The following ZFPM2 variants were observed in gnomAD, a reference collection of about 807,000 sequenced individuals.
The protein encoded by ZFPM2 is zinc finger protein, FOG family member 2.
ZFPM2 carries 20 observed loss-of-function variants against 98.6 expected under a neutral mutation model. The observed-to-expected ratio is 0.20, with a 90% CI of 0.14 to 0.29. ZFPM2 has a LOEUF of 0.29. Ranked by LOEUF, ZFPM2 falls within the 10% of genes least tolerant of loss-of-function variation. The pLI is 1.00. For missense variants in ZFPM2, 1,310 were observed against 1,388.6 expected, an observed-to-expected ratio of 0.94 and a Z score of 0.90; for synonymous variants, 518 against 502.7, an observed-to-expected ratio of 1.03 and a Z score of -0.41.
chr8:105,322,158 C>T (rs1411115985), intron 1 of ZFPM2, among the ~76,000 whole-genome samples: 1 of 152,158 alleles, frequency 6.6e-6, no homozygotes, highest in Non-Finnish European at 1.5e-5. Flanking sequence ...TCTCCCCGCA[C>T]AGCTGCTCGC....
chr8:105,481,231 C>G (rs1304744736), intron 3 of ZFPM2, among the ~76,000 whole-genome samples: 1 of 152,084 alleles, frequency 6.6e-6, no homozygotes, highest in Non-Finnish European at 1.5e-5. Context: ...TTAATTTTCT[C>G]TATTTGTTTT....
chr8:105,589,837 T>A (rs1586483338), intron 4 of ZFPM2, among the ~76,000 whole-genome samples: 1 of 152,162 alleles, frequency 6.6e-6, no homozygotes, highest in East Asian at 1.9e-4. Context: ...TTCTCCTGCC[T>A]CAGTCTCCCA....
At chr8:105,761,430 A>G (rs755592305) in intron 5 of ZFPM2, among the ~76,000 whole-genome samples, 2 of 152,050 alleles carry the variant, frequency 1.3e-5, no homozygotes, top group Admixed American at 6.6e-5. Context: ...TAACCAGGCA[A>G]TGCTAACCCA....
intron 3 of ZFPM2, among the ~76,000 whole-genome samples, chr8:105,472,313 T>C (rs1812920160): frequency 6.6e-6 from 1 of 152,192 alleles, no homozygotes; most frequent in Admixed American, 6.5e-5. Flanking sequence ...AATTCACTGC[T>C]TCATCCAAGT....
intron 3 of ZFPM2, among the ~76,000 whole-genome samples, chr8:105,476,962 T>C (rs1441571643): frequency 6.6e-6 from 1 of 152,118 alleles, no homozygotes; most frequent in Non-Finnish European, 1.5e-5. Flanking sequence ...GAGATAGAGA[T>C]TGCAAATACT....
At chr8:105,378,172 G>GGGCT (rs1316037358) in intron 1 of ZFPM2, among the ~76,000 whole-genome samples, 1 of 152,176 alleles carries the variant, frequency 6.6e-6, no homozygotes, top group Middle Eastern at 3.2e-3. Context: ...CTTTAGAGTT[G>GGGCT]GAAGGTGAGC....
At chr8:105,418,450 A>C in intron 1 of ZFPM2, 3 of 451,322 alleles carry the variant, frequency 6.6e-6, no homozygotes, top group Non-Finnish European at 1.3e-5. Context: ...AATGTAGCGC[A>C]CCTCACTCTC....
chr8:105,528,211 G>C, intron 3 of ZFPM2, among the ~76,000 whole-genome samples: 1 of 152,122 alleles, frequency 6.6e-6, no homozygotes, highest in Non-Finnish European at 1.5e-5. Flanking sequence ...GGATGAGTGG[G>C]TGTTTCAGTT....
At chr8:105,412,665 A>G (rs1811600645) in intron 1 of ZFPM2, among the ~76,000 whole-genome samples, 2 of 151,652 alleles carry the variant, frequency 1.3e-5, no homozygotes, top group Admixed American at 1.3e-4. Flanking sequence ...GAACTTGCTC[A>G]TTTAAAATAG....
intron 3 of ZFPM2, among the ~76,000 whole-genome samples, chr8:105,534,445 CTCTT>C (rs909369399): frequency 4.2e-5 from 6 of 144,096 alleles, no homozygotes; most frequent in East Asian, 2.1e-4. Flanking sequence ...CTTCCTTCCT[CTCTT>C]CCTTCCTTCC....
intron 5 of ZFPM2, among the ~76,000 whole-genome samples, chr8:105,648,152 G>A (rs1385756310): frequency 1.3e-5 from 2 of 152,080 alleles, no homozygotes; most frequent in Non-Finnish European, 2.9e-5. Context: ...TTTTTCCTGT[G>A]TCTGTTGGCT....
At chr8:105,463,295 G>GTA (rs1491036875) in intron 3 of ZFPM2, among the ~76,000 whole-genome samples, 2 of 129,676 alleles carry the variant, frequency 1.5e-5, no homozygotes, top group Admixed American at 8.1e-5. Flanking sequence ...ATGTGTGTGT[G>GTA]TATATATATA....
Position 105,359,390 on chromosome 8 carries a change from T to C in ZFPM2, c.40+40409T>C, listed in dbSNP as rs71522735. ...TTCTTTTTTTTTTTTTTTGTTGTTG[T>C]TTTGAGACAGAGTCTCGCTCTGTCA... is the stretch of plus-strand genomic sequence containing the variant. On this transcript the variant is annotated intron_variant, in intron 1 of 7. Transcript: ENST00000407775. Among the ~76,000 whole-genome samples the C allele has an allele frequency of 2.0e-5, 3 of 149,436 alleles. No homozygotes were observed. The East Asian group carries it at 5.9e-4, about 29-fold the overall frequency.
intron 3 of ZFPM2, among the ~76,000 whole-genome samples, chr8:105,549,616 T>C (rs1814802655): frequency 7.0e-6 from 1 of 142,798 alleles, no homozygotes; most frequent in African/African-American, 2.6e-5. Context: ...TCTCTCTCTC[T>C]TTTTTTTTTA....
chr8:105,369,904 T>G (rs1004056089), intron 1 of ZFPM2, among the ~76,000 whole-genome samples: 1 of 152,142 alleles, frequency 6.6e-6, no homozygotes, highest in African/African-American at 2.4e-5. Context: ...AAATAATAAA[T>G]ATGAATATAG....
rs537301301 is a variant in ZFPM2, at chr8:105,580,844, T to TATATAA, written c.420+19364_420+19365insTATAAA. ...CTCTCTCTCTATATATATATATATA[T>TATATAA]AAATCACTGAGAGAAAAAATCTTTT... is the stretch of plus-strand genomic sequence containing the variant. On this transcript the variant is annotated intron_variant, in intron 4 of 7. Coordinates refer to ENST00000407775, the MANE Select transcript of ZFPM2 (RefSeq NM_012082.4). 3.4e-4 allele frequency among the ~76,000 whole-genome samples: 51 copies of TATATAA among 148,796 alleles called. 1 individual carries two copies. The Middle Eastern group carries it at 0.011, about 31-fold the overall frequency.
intron 1 of ZFPM2, among the ~76,000 whole-genome samples, chr8:105,402,276 T>C (rs1811355767): frequency 6.6e-6 from 1 of 152,052 alleles, no homozygotes; most frequent in Admixed American, 6.6e-5. Flanking sequence ...TATTCTAATC[T>C]TCAATTTGTT....
chr8:105,616,609 G>T (rs1586152095), intron 4 of ZFPM2: 8 of 299,960 alleles, frequency 2.7e-5, no homozygotes, highest in South Asian at 1.5e-4. Context: ...TCAGGTATAA[G>T]TCTAAGTGAT....
chr8:105,655,747 G>C (rs892486984), intron 5 of ZFPM2, among the ~76,000 whole-genome samples: 1 of 152,110 alleles, frequency 6.6e-6, no homozygotes, highest in Non-Finnish European at 1.5e-5. Context: ...CCTACAATCA[G>C]TACACAGTAC....
Sources: gnomAD v4.1 joint callset for allele counts (sites outside exome capture counted in the v4.1 genomes callset) on GRCh38, gnomAD v4.1.1 for gene constraint, MANE v1.5 for transcripts, NCBI Gene and HGNC (gene_info 2026-07-23, HGNC 2026-07-21) for gene names.